The following SLC35F1 variants were observed in gnomAD, a reference collection of about 807,000 sequenced individuals.
SLC35F1 encodes the protein solute carrier family 35 member F1, also known as chromosome 6 open reading frame 169.
Under a neutral mutation model 48.7 loss-of-function variants are expected in SLC35F1, and 14 were observed. The observed-to-expected ratio is 0.29, with a 90% CI of 0.19 to 0.45. The LOEUF is 0.45. Ranked by LOEUF, SLC35F1 falls within the 20% of genes least tolerant of loss-of-function variation. SLC35F1 has a pLI of 1.00. For missense variants in SLC35F1, 404 were observed against 500.0 expected (o/e 0.81, Z 1.83); for synonymous variants, 190 against 202.2 (o/e 0.94, Z 0.51).
chr6:118,275,318 A>G, intron 4 of SLC35F1, 141 bp from the exon 5 acceptor site: 1 of 912,178 alleles, frequency 1.1e-6, no homozygotes, highest in South Asian at 1.9e-5. Flanking sequence ...AAACTTTACT[A>G]AATCTCAGTT....
intron 7 of SLC35F1, among the ~76,000 whole-genome samples, chr6:118,290,183 T>G (rs1776103287): frequency 6.6e-6 from 1 of 152,114 alleles, no homozygotes; most frequent in African/African-American, 2.4e-5. Context: ...GCTTCTAAGT[T>G]TTTGTTCACA....
intron 3 of SLC35F1, among the ~76,000 whole-genome samples, chr6:118,257,151 G>GA (rs1487189690): frequency 2.0e-5 from 3 of 151,888 alleles, no homozygotes; most frequent in Non-Finnish European, 4.4e-5. Flanking sequence ...GAGATGATGG[G>GA]AAAAAACTGT....
rs1483288557 is a variant in SLC35F1 at position 118,035,720 on chromosome 6, C to T, written c.174-118725C>T. Among the ~76,000 whole-genome samples, 20 of 116,944 alleles carry T rather than the reference C, an allele frequency of 1.7e-4. No homozygotes were observed. The South Asian group carries it at 5.1e-3, about 30-fold the overall frequency. 76.7% of individuals were successfully genotyped at this position (116,944 alleles called of 152,430 possible). On this transcript the variant is annotated intron_variant, in intron 1 of 7. Coordinates refer to ENST00000360388, the MANE Select transcript of SLC35F1 (RefSeq NM_001029858.4). Reference sequence around the variant, plus strand: ...TTTTTTTTTTTTTGAGACGGAGTCTCGCTCTGTCACCCAGGCTGGAGTGCA... The same window carrying T: ...TTTTTTTTTTTTTGAGACGGAGTCTTGCTCTGTCACCCAGGCTGGAGTGCA...
At chr6:117,964,953 TAAGG>T (rs1424300405) in intron 1 of SLC35F1, among the ~76,000 whole-genome samples, 2 of 151,866 alleles carry the variant, frequency 1.3e-5, no homozygotes, top group Non-Finnish European at 2.9e-5. Context: ...AAAACAGAAA[TAAGG>T]GAGGGATACG....
At chr6:118,068,622 A>G (rs1772652946) in intron 1 of SLC35F1, among the ~76,000 whole-genome samples, 1 of 152,224 alleles carries the variant, frequency 6.6e-6, no homozygotes, top group Non-Finnish European at 1.5e-5. Flanking sequence ...GAGGGAGATG[A>G]GATTTTTCCA....
intron 1 of SLC35F1, among the ~76,000 whole-genome samples, chr6:118,122,179 A>G (rs962407063): frequency 4.0e-5 from 6 of 151,812 alleles, no homozygotes; most frequent in African/African-American, 1.5e-4. Context: ...ACATTTTTGT[A>G]TGTCCAATAT....
intron 1 of SLC35F1, among the ~76,000 whole-genome samples, chr6:117,935,309 TATA>T (rs1405550341): frequency 6.6e-6 from 1 of 152,194 alleles, no homozygotes; most frequent in African/African-American, 2.4e-5. Flanking sequence ...AGTTATGCTC[TATA>T]AAGTTGCTGC....
At chr6:117,974,285 A>G (rs1282054568) in intron 1 of SLC35F1, among the ~76,000 whole-genome samples, 8 of 152,220 alleles carry the variant, frequency 5.3e-5, no homozygotes, top group Non-Finnish European at 8.8e-5. Flanking sequence ...TTTTAGTCTG[A>G]AAAGATACCA....
At chr6:117,915,535 G>C (rs888679152) in intron 1 of SLC35F1, among the ~76,000 whole-genome samples, 2 of 152,108 alleles carry the variant, frequency 1.3e-5, no homozygotes, top group African/African-American at 4.8e-5. Flanking sequence ...AGCCGTTCAT[G>C]GAAGTAAGAG....
At chr6:118,072,843 A>G (rs1772758620) in intron 1 of SLC35F1, among the ~76,000 whole-genome samples, 1 of 152,032 alleles carries the variant, frequency 6.6e-6, no homozygotes, top group Non-Finnish European at 1.5e-5. Context: ...TTCTTTTTCC[A>G]TTCGTGACTG....
intron 1 of SLC35F1, among the ~76,000 whole-genome samples, chr6:118,132,955 G>A (rs1171140808): frequency 6.6e-6 from 1 of 152,148 alleles, no homozygotes; most frequent in Non-Finnish European, 1.5e-5. Flanking sequence ...GCTTCTAGAG[G>A]AAGGCATGGA....
chr6:117,935,313 A>G (rs948351756), intron 1 of SLC35F1, among the ~76,000 whole-genome samples: 4 of 152,182 alleles, frequency 2.6e-5, no homozygotes, highest in Non-Finnish European at 5.9e-5. Context: ...ATGCTCTATA[A>G]AGTTGCTGCA....
rs1385812676 is a variant in SLC35F1 at position 117,924,413 on chromosome 6, GTA to G, written c.173+16521_173+16522del. On this transcript the variant is annotated intron_variant, in intron 1 of 7. Coordinates refer to ENST00000360388, the MANE Select transcript of SLC35F1 (RefSeq NM_001029858.4). Reference sequence around the variant, plus strand: ...TACACACATAGGTACACATGCATATGTATATATACACATACGCATAACACATA... The same window carrying G: ...TACACACATAGGTACACATGCATATGTATATACACATACGCATAACACATA... 1.7e-5 allele frequency among the ~76,000 whole-genome samples: 2 copies of G among 120,940 alleles called. 1 individual carries two copies. The highest frequency in any genetic ancestry group is 6.9e-5 in the African/African-American group (2 of 28,904). 79.3% of individuals were successfully genotyped at this position (120,940 alleles called of 152,430 possible). A position where few individuals can be genotyped will look rare whatever the true frequency, so the allele number is the denominator to read the frequency against.
intron 7 of SLC35F1, among the ~76,000 whole-genome samples, chr6:118,305,117 G>A (rs139668260): frequency 7.1e-6 from 1 of 141,404 alleles, no homozygotes; most frequent in East Asian, 2.1e-4. Flanking sequence ...GAGATTGATT[G>A]ATTTTAAGGA....
chr6:118,292,905 T>C (rs1424661941), intron 7 of SLC35F1, among the ~76,000 whole-genome samples: 1 of 152,124 alleles, frequency 6.6e-6, no homozygotes, highest in African/African-American at 2.4e-5. Context: ...CTTTGAGAAG[T>C]GGTTATGTAT....
chr6:117,909,776 T>C (rs2114792262), intron 1 of SLC35F1, among the ~76,000 whole-genome samples: 1 of 152,314 alleles, frequency 6.6e-6, no homozygotes, highest in African/African-American at 2.4e-5. Context: ...CAAATGAAGT[T>C]GAAGTCATGC....
chr6:118,304,719 T>C (rs1489156317), intron 7 of SLC35F1, among the ~76,000 whole-genome samples: 4 of 152,112 alleles, frequency 2.6e-5, no homozygotes, highest in Non-Finnish European at 5.9e-5. Flanking sequence ...CCAAGAGTTT[T>C]ATATCTCATC....
intron 1 of SLC35F1, among the ~76,000 whole-genome samples, chr6:117,989,171 A>G (rs1019922203): frequency 6.2e-4 from 95 of 152,310 alleles, no homozygotes; most frequent in African/African-American, 2.2e-3. Context: ...CCACTCCCCA[A>G]ATCCCAGCAG....
intron 1 of SLC35F1, among the ~76,000 whole-genome samples, chr6:117,953,028 G>T (rs779609086): frequency 6.6e-6 from 1 of 152,190 alleles, no homozygotes; most frequent in Non-Finnish European, 1.5e-5. Context: ...GTGGGCACTG[G>T]TCCATGTTCA....
Sources: allele counts gnomAD v4.1 joint callset (sites outside exome capture counted in the v4.1 genomes callset), GRCh38; gene constraint gnomAD v4.1.1; transcripts MANE v1.5; gene names NCBI Gene and HGNC (gene_info 2026-07-23, HGNC 2026-07-21).